OCA2: variants seen among roughly 807,000 people sequenced by gnomAD.
OCA2 encodes the protein P protein.
A neutral mutation model predicts 100.2 loss-of-function variants in OCA2; 77 were observed. The observed-to-expected ratio is 0.77, with a 90% confidence interval of 0.64 to 0.93. The LOEUF is 0.93. Ranked by LOEUF, OCA2 falls within the 40% of genes least tolerant of loss-of-function variation. The pLI, the probability that OCA2 is intolerant of heterozygous loss-of-function variation, is 0.00. For synonymous variants in OCA2, 432 were observed against 439.2 expected (o/e 0.98, Z 0.21); for missense variants, 1,062 against 1,089.1 (o/e 0.98, Z 0.35).
intron 23 of OCA2, among the ~76,000 whole-genome samples, chr15:27,763,010 C>G (rs983909696): frequency 6.6e-6 from 1 of 152,176 alleles, no homozygotes; most frequent in African/African-American, 2.4e-5. Context: ...TTCCACTGAG[C>G]ATATACACTA....
chr15:27,946,511 T>A (rs2039841682), intron 18 of OCA2, among the ~76,000 whole-genome samples: 1 of 152,216 alleles, frequency 6.6e-6, no homozygotes, highest in African/African-American at 2.4e-5. Context: ...CACTTCCGAT[T>A]CCCGTACGTC....
chr15:27,721,285 T>C, the OCA2 span, among the ~76,000 whole-genome samples: 1 of 152,102 alleles, frequency 6.6e-6, no homozygotes, highest in Non-Finnish European at 1.5e-5. Context: ...AGAGGATTGC[T>C]CGAGCCCAGG....
At chr15:27,946,944 C>T (rs1484491542) in intron 18 of OCA2, among the ~76,000 whole-genome samples, 1 of 152,208 alleles carries the variant, frequency 6.6e-6, no homozygotes, top group East Asian at 1.9e-4. Context: ...GCCTGCCCCA[C>T]ACTCAGAAGG....
chr15:27,770,857 TCTTCCTTC>T (rs1217874525), intron 23 of OCA2, among the ~76,000 whole-genome samples: 3 of 77,990 alleles, frequency 3.8e-5, no homozygotes, highest in Admixed American at 1.3e-4. Context: ...TTCCTTCCTT[TCTTCCTTC>T]CTTCCCTCCT....
intron 23 of OCA2, among the ~76,000 whole-genome samples, chr15:27,769,933 G>A (rs759103549): frequency 1.6e-4 from 24 of 150,168 alleles, no homozygotes; most frequent in Admixed American, 3.3e-4. Context: ...CTGGGCCTCA[G>A]GACCAGGCTC....
intron 23 of OCA2, among the ~76,000 whole-genome samples, chr15:27,758,929 A>G (rs1418345633): frequency 6.6e-6 from 1 of 152,176 alleles, no homozygotes; most frequent in Non-Finnish European, 1.5e-5. Flanking sequence ...AAAAATTGGT[A>G]AAAGATATAA....
At chr15:27,726,094 T>C in the OCA2 span, among the ~76,000 whole-genome samples, 13,692 of 151,684 alleles carry the variant, frequency 0.09, 2,126 homozygotes, top group African/African-American at 0.31. Context: ...GGCAGGAGAT[T>C]GAGACCAGCC....
At chr15:27,913,895 G>GAAAGAAAGAAAGAA (rs1567098505) in intron 19 of OCA2, among the ~76,000 whole-genome samples, 12 of 39,028 alleles carry the variant, frequency 3.1e-4, no homozygotes, top group East Asian at 1.7e-3. Context: ...AAGAAAGAAA[G>GAAAGAAAGAAAGAA]CAAGCAAGCA....
chr15:27,892,430 G>A (rs1387455825), intron 19 of OCA2, among the ~76,000 whole-genome samples: 1 of 151,858 alleles, frequency 6.6e-6, no homozygotes, highest in Non-Finnish European at 1.5e-5. Context: ...CTAAATGCAT[G>A]GAAATTAACC....
chr15:28,014,366 C>T (rs151121554), intron 9 of OCA2, among the ~76,000 whole-genome samples: 2 of 152,304 alleles, frequency 1.3e-5, no homozygotes, highest in Non-Finnish European at 2.9e-5. Context: ...CCAGGCCATC[C>T]GTGTCCCCTC....
At chr15:28,033,586 G>A (rs2042968760) in intron 2 of OCA2, among the ~76,000 whole-genome samples, 1 of 152,128 alleles carries the variant, frequency 6.6e-6, no homozygotes, top group Non-Finnish European at 1.5e-5. Flanking sequence ...GGGCAGCACT[G>A]GGCCACTTCC....
chr15:27,770,845 CCTTCCTTCCTTT>C lies in OCA2; in HGVS notation c.2433-15385_2433-15374del, dbSNP rs1374706372. Among the ~76,000 whole-genome samples the C allele has an allele frequency of 2.9e-5, 3 of 105,012 alleles. No individual in the cohort carries two copies. In the South Asian group the frequency reaches 8.4e-4, roughly 29 times the overall value. The allele number at this position is 105,012 out of a possible 152,430, so 68.9% of individuals were successfully genotyped here. On this transcript the variant is annotated intron_variant, in intron 23 of 23. Transcript: ENST00000354638. ...TCCATTCTTCCTTCCTCCCTCTTTT[CCTTCCTTCCTTT>C]CTTCCTTCCTTCCCTCCTTCCTTTG... is the stretch of plus-strand genomic sequence containing the variant.
intron 21 of OCA2, among the ~76,000 whole-genome samples, chr15:27,853,401 T>C (rs199967579): frequency 5.2e-5 from 6 of 115,226 alleles, no homozygotes; most frequent in African/African-American, 1.7e-4. Flanking sequence ...GGAAGGGGAA[T>C]ATCACACTCT....
At chr15:27,993,230 C>T (rs1331610899) in intron 9 of OCA2, among the ~76,000 whole-genome samples, 7 of 152,110 alleles carry the variant, frequency 4.6e-5, no homozygotes, top group Non-Finnish European at 1.0e-4. Flanking sequence ...ACTGTGCACC[C>T]GGCCCTGGAT....
chr15:27,887,032 A>C (rs1339658621), intron 19 of OCA2, among the ~76,000 whole-genome samples: 1 of 152,152 alleles, frequency 6.6e-6, no homozygotes, highest in Non-Finnish European at 1.5e-5. Flanking sequence ...GACAGTGAAT[A>C]AGTCTCACGA....
chr15:27,982,290 T>C (rs966506649), intron 14 of OCA2, among the ~76,000 whole-genome samples: 1 of 152,218 alleles, frequency 6.6e-6, no homozygotes, highest in African/African-American at 2.4e-5. Flanking sequence ...TTCTGTTTTC[T>C]ACCAAAAAAA....
chr15:27,959,931 C>T (rs1416585956), intron 15 of OCA2, among the ~76,000 whole-genome samples: 3 of 152,180 alleles, frequency 2.0e-5, no homozygotes, highest in African/African-American at 4.8e-5. Flanking sequence ...GGAATTTAGT[C>T]GGGAGGGATT....
chr15:28,032,066 C>G lies in OCA2; in HGVS notation c.325G>C (p.Gly109Arg), dbSNP rs904727427. Residue 109 changes from glycine to arginine, a missense_variant and splice_region_variant, in exon 3 of 24, where the codon GGG becomes CGG. Coordinates refer to ENST00000354638, the MANE Select transcript of OCA2 (RefSeq NM_000275.3). ...CATATGAGGGGGAAAATATCTCACC[C>G]TTTCTCCTGTAAGGAATTCCTCAGC... Reference protein sequence around the residue: ...PLLRNSLQEKGSRCIPVYHPE... With the variant: ...PLLRNSLQEKRSRCIPVYHPE... 6.2e-7 allele frequency: 1 copy of G among 1,609,510 alleles called. No homozygotes were observed. The highest frequency in any genetic ancestry group is 8.5e-7 in the Non-Finnish European group (1 of 1,175,850).
At chr15:27,796,161 C>G (rs11630219) in intron 23 of OCA2, among the ~76,000 whole-genome samples, 34,492 of 152,214 alleles carry the variant, frequency 0.23, 4,964 homozygotes, top group Non-Finnish European at 0.32. Context: ...ACTGGAGGAA[C>G]AGGCAGCACT....
Sources: gnomAD v4.1 joint callset for allele counts (sites outside exome capture counted in the v4.1 genomes callset) on GRCh38, gnomAD v4.1.1 for gene constraint, MANE v1.5 for transcripts, NCBI Gene and HGNC (gene_info 2026-07-23, HGNC 2026-07-21) for gene names.